RAB39B: variants seen among roughly 807,000 people sequenced by gnomAD.
RAB39B encodes RAB39B, member RAS oncogene family, also known as ras-related protein Rab-39B.
For missense variants in RAB39B, 68 were observed against 171.3 expected (o/e 0.40, Z 3.37); for synonymous variants, 63 against 67.5 (o/e 0.93, Z 0.33).
chrX:155,263,531 C>T (rs184416849), intron 1 of RAB39B, among the ~76,000 whole-genome samples: 42 of 112,269 alleles, frequency 3.7e-4, no homozygotes, highest in African/African-American at 1.3e-3. Flanking sequence ...GTGTGAGTCT[C>T]CTCACACTGT....
intron 1 of RAB39B, 99 bp downstream of exon 1, chrX:155,263,975 T>C (rs1191896635): frequency 4.8e-6 from 4 of 828,941 alleles, no homozygotes; most frequent in Middle Eastern, 8.3e-4. Flanking sequence ...GGTGTTGCCC[T>C]CCTGGACCGC....
Position 155,260,571 on chromosome X carries a change from T to A in RAB39B, c.*232A>T. On this transcript the variant is annotated 3_prime_UTR_variant, in exon 2 of 2. Coordinates refer to ENST00000369454, the MANE Select transcript of RAB39B (RefSeq NM_171998.4). ...CTCATGGAGCAGCCACTGCCTAGCATGGGCCACAAAACAGTGCCTGGCCTG... is the reference window on the plus strand; with the variant it reads ...CTCATGGAGCAGCCACTGCCTAGCAAGGGCCACAAAACAGTGCCTGGCCTG... The A allele has an allele frequency of 2.3e-6, 1 of 430,571 alleles. No individual in the cohort carries two copies. Among genetic ancestry groups the A allele is most frequent in the Non-Finnish European group, 4.1e-6 (1 of 245,537 alleles). The allele number at this position is 430,571 out of a possible 1,213,427, so 35.5% of individuals were successfully genotyped here.
At position 155,260,002 on chromosome X, in the gene RAB39B, G is replaced by C. The variant is rs1330342542; in HGVS notation, c.*801C>G. 1 of 112,184 alleles carries C rather than the reference G, an allele frequency of 8.9e-6. No homozygotes were observed. Among genetic ancestry groups the C allele is most frequent in the African/African-American group, 3.2e-5 (1 of 30,803 alleles). 9.2% of individuals were successfully genotyped at this position (112,184 alleles called of 1,213,427 possible). ...TGTCACGTGCCTGAAGAAGCAAGCA[G>C]ACTGTTTACTTCCAGATTGCAGGTG... On this transcript the variant is annotated 3_prime_UTR_variant, in exon 2 of 2. Coordinates refer to ENST00000369454, the MANE Select transcript of RAB39B (RefSeq NM_171998.4).
rs782489002 is a variant in RAB39B at position 155,258,985 on chromosome X, A to G, written c.*1818T>C. The G allele has an allele frequency of 2.4e-4, 27 of 112,353 alleles. No homozygotes were observed. Among genetic ancestry groups the G allele is most frequent in the African/African-American group, 7.7e-4 (24 of 30,978 alleles). The allele number at this position is 112,353 out of a possible 1,213,427, so 9.3% of individuals were successfully genotyped here. A position where few individuals can be genotyped will look rare whatever the true frequency, so the allele number is the denominator to read the frequency against. On this transcript the variant is annotated 3_prime_UTR_variant, in exon 2 of 2. Coordinates refer to ENST00000369454, the MANE Select transcript of RAB39B (RefSeq NM_171998.4). The stretch of plus-strand genomic sequence containing the variant: ...CTGATCCAAAGTGGTTTGCTCATCC[A>G]ACTTGGGGCACAGGTGGCAGAATAG...
Position 155,264,444 on chromosome X carries a change from A to G in RAB39B, c.-156T>C, listed in dbSNP as rs2074863136. The G allele has an allele frequency of 2.1e-6, 1 of 480,103 alleles. No homozygotes were observed. Among genetic ancestry groups the G allele is most frequent in the Non-Finnish European group, 3.6e-6 (1 of 280,233 alleles). The allele number at this position is 480,103 out of a possible 1,213,427, so 39.6% of individuals were successfully genotyped here. The stretch of plus-strand genomic sequence containing the variant: ...AAGCTGGGTAGGCCCAGGCGCCGGG[A>G]GAGCGGAGGGATGGATGCTGCGCTC... On this transcript the variant is annotated 5_prime_UTR_variant, in exon 1 of 2. Coordinates refer to ENST00000369454, the MANE Select transcript of RAB39B (RefSeq NM_171998.4).
intron 1 of RAB39B, 139 bp downstream of exon 1, chrX:155,263,935 G>A: frequency 1.7e-6 from 1 of 587,442 alleles, no homozygotes; most frequent in Non-Finnish European, 2.8e-6. Flanking sequence ...TTAGCCGAAG[G>A]TGGGCTTCGG....
At position 155,264,210 on chromosome X, in the gene RAB39B, G is replaced by C. The variant is rs2074862006; in HGVS notation, c.79C>G (p.Arg27Gly). 8.3e-7 allele frequency: 1 copy of C among 1,210,713 alleles called. No homozygotes were observed. Among genetic ancestry groups the C allele is most frequent in the Non-Finnish European group, 1.1e-6 (1 of 895,221 alleles). Residue 27 changes from arginine (R) to glycine (G), a missense_variant, in exon 1 of 2, where the codon CGC (arginine) becomes GGC (glycine). Transcript: ENST00000369454. Reference protein sequence around the residue: ...STVGKSCLIRRFTEGRFAQVS... With the variant: ...STVGKSCLIRGFTEGRFAQVS... ...TGGGCAAAGCGACCCTCGGTGAAGC[G>C]GCGGATCAGGCAGGACTTGCCCACT... is the stretch of plus-strand genomic sequence containing the variant.
Position 155,259,227 on chromosome X carries a change from T to A in RAB39B, c.*1576A>T, listed in dbSNP as rs782315434. 8.1e-5 allele frequency: 9 copies of A among 111,573 alleles called. No homozygotes were observed. Among genetic ancestry groups the A allele is most frequent in the Admixed American group, 6.7e-4 (7 of 10,525 alleles). 9.2% of individuals were successfully genotyped at this position (111,573 alleles called of 1,213,427 possible). ...AAGTATGGCTTTTGCCTAGCTGAAC[T>A]GGCTACAATCCAAAAAGTAATTTAA... is the stretch of plus-strand genomic sequence containing the variant. On this transcript the variant is annotated 3_prime_UTR_variant, in exon 2 of 2. Transcript: ENST00000369454.
rs1322471453 is a variant in RAB39B, at chrX:155,264,480, T to A, written c.-192A>T. ...ATGGATGCTGCGCTCGCAAAGGTGA[T>A]GAAATGGCAGCAGCATCAGCACCAC... On this transcript the variant is annotated 5_prime_UTR_variant, in exon 1 of 2. Coordinates refer to ENST00000369454, the MANE Select transcript of RAB39B (RefSeq NM_171998.4). 2.3e-6 allele frequency: 1 copy of A among 443,463 alleles called. No homozygotes were observed. The highest frequency in any genetic ancestry group is 3.9e-6 in the Non-Finnish European group (1 of 254,299). The allele number at this position is 443,463 out of a possible 1,213,427, so 36.5% of individuals were successfully genotyped here. A position where few individuals can be genotyped will look rare whatever the true frequency, so the allele number is the denominator to read the frequency against.
intron 1 of RAB39B, among the ~76,000 whole-genome samples, chrX:155,261,837 T>TTTATTATTATTA (rs781787000): frequency 1.8e-5 from 2 of 108,289 alleles, no homozygotes; most frequent in African/African-American, 3.3e-5. Flanking sequence ...ATTATTATTG[T>TTTATTATTATTA]TTATTATTAT....
rs1460202547 is a variant in RAB39B, at chrX:155,259,761, T to G, written c.*1042A>C. ...AGCAGTATGATGCAGTGAAAAGAGC[T>G]AGGAGTCACGAGTCCTTGACCCTGG... On this transcript the variant is annotated 3_prime_UTR_variant, in exon 2 of 2. Transcript: ENST00000369454. The G allele has an allele frequency of 8.9e-6, 1 of 112,436 alleles. No homozygotes were observed. The highest frequency in any genetic ancestry group is 9.4e-5 in the Admixed American group (1 of 10,661). 9.3% of individuals were successfully genotyped at this position (112,436 alleles called of 1,213,427 possible).
intron 1 of RAB39B, among the ~76,000 whole-genome samples, chrX:155,262,045 C>A (rs2074855657): frequency 9.0e-6 from 1 of 111,540 alleles, no homozygotes; most frequent in South Asian, 3.7e-4. Context: ...GAAGAAACTT[C>A]ACATGTTTTA....
chrX:155,258,874 T>C lies in RAB39B; in HGVS notation c.*1929A>G, dbSNP rs12856523. The C allele has an allele frequency of 1.6e-4, 18 of 112,409 alleles. No homozygotes were observed. Among genetic ancestry groups the C allele is most frequent in the African/African-American group, 5.8e-4 (18 of 30,954 alleles). The allele number at this position is 112,409 out of a possible 1,213,427, so 9.3% of individuals were successfully genotyped here. A position where few individuals can be genotyped will look rare whatever the true frequency, so the allele number is the denominator to read the frequency against. On this transcript the variant is annotated 3_prime_UTR_variant, in exon 2 of 2. Coordinates refer to ENST00000369454, the MANE Select transcript of RAB39B (RefSeq NM_171998.4). Reference sequence around the variant, plus strand: ...TGTTTGTCTTTTACAACCACGAAGGTGGCAATTTAATTACCCCACCTAAGC... The same window carrying C: ...TGTTTGTCTTTTACAACCACGAAGGCGGCAATTTAATTACCCCACCTAAGC...
rs781889889 is a variant in RAB39B at position 155,264,163 on chromosome X, C to A, written c.126G>T (p.Gly42=). 107 of 1,210,642 alleles carry A rather than the reference C, an allele frequency of 8.8e-5. No individual in the cohort carries two copies. In the Admixed American group the frequency reaches 2.2e-3, roughly 25 times the overall value. ...CCACCAAGCGGGAGAAAAAATCCACCCCCACGGTGGGGTCAGAAACCTGGG... is the reference window on the plus strand; with the variant it reads ...CCACCAAGCGGGAGAAAAAATCCACACCCACGGTGGGGTCAGAAACCTGGG... ...RFAQVSDPTV[G]VDFFSRLVEI... The change falls in exon 1 of 2, where the codon GGG becomes GGT. Residue 42 remains glycine (G), a synonymous_variant. Coordinates refer to ENST00000369454, the MANE Select transcript of RAB39B (RefSeq NM_171998.4).
chrX:155,262,509 G>C (rs2074856966), intron 1 of RAB39B, among the ~76,000 whole-genome samples: 1 of 112,280 alleles, frequency 8.9e-6, no homozygotes, highest in Admixed American at 9.4e-5. Flanking sequence ...AAATCAACAA[G>C]CAAGCTGTAG....
Position 155,264,293 on chromosome X carries a change from G to A in RAB39B, c.-5C>T. The A allele has an allele frequency of 8.3e-7, 1 of 1,208,361 alleles. No homozygotes were observed. On this transcript the variant is annotated 5_prime_UTR_variant, in exon 1 of 2. Coordinates refer to ENST00000369454, the MANE Select transcript of RAB39B (RefSeq NM_171998.4). The stretch of plus-strand genomic sequence containing the variant: ...GTACAGCCAGATGGCCTCCATGGCC[G>A]CGGCTCTGCAGGTCTCCTTGGCCCG...
chrX:155,263,214 G>A (rs1557314445), intron 1 of RAB39B, among the ~76,000 whole-genome samples: 1 of 111,835 alleles, frequency 8.9e-6, no homozygotes, highest in East Asian at 2.8e-4. Flanking sequence ...TACTCATCCG[G>A]TCTCATCTTC....
Position 155,260,683 on chromosome X carries a change from G to T in RAB39B, c.*120C>A. 1 of 773,424 alleles carries T rather than the reference G, an allele frequency of 1.3e-6. No homozygotes were observed. The highest frequency in any genetic ancestry group is 2.0e-6 in the Non-Finnish European group (1 of 507,097). 63.7% of individuals were successfully genotyped at this position (773,424 alleles called of 1,213,427 possible). A position where few individuals can be genotyped will look rare whatever the true frequency, so the allele number is the denominator to read the frequency against. On this transcript the variant is annotated 3_prime_UTR_variant, in exon 2 of 2. Transcript: ENST00000369454. ...CGAGTCTGTCAGAGTCCCCCTGAGA[G>T]GGAGGCTCACTTGGTATCCAAATGG...
Position 155,260,893 on chromosome X carries a change from C to T in RAB39B, c.552G>A (p.Glu184=). 2.5e-6 allele frequency: 3 copies of T among 1,211,538 alleles called. No homozygotes were observed. The highest frequency in any genetic ancestry group is 2.3e-4 in the Middle Eastern group (1 of 4,355). The change falls in exon 2 of 2, where the codon GAG becomes GAA. Residue 184 remains glutamate (E), a synonymous_variant. Coordinates refer to ENST00000369454, the MANE Select transcript of RAB39B (RefSeq NM_171998.4). The stretch of plus-strand genomic sequence containing the variant: ...ATCCACTCTTCACCCCTTCCCAGCC[C>T]TCCTGGATTGTAATCTCCCCCCTTT... ...LVKRGEITIQ[E]GWEGVKSGFV...
Sources: allele counts gnomAD v4.1 joint callset (sites outside exome capture counted in the v4.1 genomes callset), GRCh38; gene constraint gnomAD v4.1.1; transcripts MANE v1.5; gene names NCBI Gene and HGNC (gene_info 2026-07-23, HGNC 2026-07-21).